The following MSL2 variants were observed in gnomAD, a reference collection of about 807,000 sequenced individuals.
The protein encoded by MSL2 is MSL complex subunit 2, also known as E3 ubiquitin-protein ligase MSL2.
A neutral mutation model predicts 35.8 loss-of-function variants in MSL2; 2 were observed. The observed-to-expected ratio is 0.06, with a 90% CI of 0.02 to 0.18. The LOEUF (loss-of-function observed/expected upper bound fraction) is 0.18, where lower values mean the gene tolerates loss of function less well. Ranked by LOEUF, MSL2 falls within the 10% of genes least tolerant of loss-of-function variation. The probability of loss-of-function intolerance (pLI) is 1.00; values close to 1 mark genes in which losing one functional copy is unlikely to be tolerated. For missense variants in MSL2, 523 were observed against 706.7 expected (o/e 0.74, Z 2.95); for synonymous variants, 296 against 255.7 (o/e 1.16, Z -1.50).
At chr3:136,157,008 G>GTA (rs1328081240) in intron 1 of MSL2, among the ~76,000 whole-genome samples, 15 of 152,132 alleles carry the variant, frequency 9.9e-5, no homozygotes, top group Admixed American at 2.0e-4. Flanking sequence ...AAAACACACT[G>GTA]TATATATGTG....
chr3:136,181,957 TAATC>T (rs1052236117), intron 1 of MSL2, among the ~76,000 whole-genome samples: 2 of 139,182 alleles, frequency 1.4e-5, no homozygotes, highest in Admixed American at 1.5e-4. Context: ...AATAAATAAA[TAATC>T]AAAACTTACG....
In MSL2 at chr3:136,151,816, A is replaced by C. The variant is rs1428323728; in HGVS notation, c.1065T>G (p.Leu355=). ...SESDSEKVQP[L]PISTIIRGPT... Reference sequence around the variant, plus strand: ...GGCCTCGGATAATGGTAGAAATTGGAAGTGGCTGAACTTTCTCACTGTCAC... The same window carrying C: ...GGCCTCGGATAATGGTAGAAATTGGCAGTGGCTGAACTTTCTCACTGTCAC... The change falls in exon 2 of 2, where the codon CTT becomes CTG. Residue 355 remains leucine (L), a synonymous_variant. Transcript: ENST00000309993. The surrounding 1 kb of genome is among the most constrained non-coding windows in gnomAD (Gnocchi z 5.2). 2.5e-6 allele frequency: 4 copies of C among 1,614,152 alleles called. No homozygotes were observed. Among genetic ancestry groups the C allele is most frequent in the Non-Finnish European group, 2.5e-6 (3 of 1,180,030 alleles).
At chr3:136,171,021 AATG>A (rs1940011211) in intron 1 of MSL2, among the ~76,000 whole-genome samples, 2 of 152,170 alleles carry the variant, frequency 1.3e-5, no homozygotes, top group African/African-American at 4.8e-5. Context: ...AACATGTCCT[AATG>A]ATGAATGTTT....
intron 1 of MSL2, among the ~76,000 whole-genome samples, chr3:136,180,490 A>T (rs751262812): frequency 1.3e-5 from 2 of 151,924 alleles, no homozygotes; most frequent in African/African-American, 4.8e-5. Flanking sequence ...TCACGAGATC[A>T]GGAGTTCAAG....
Position 136,151,028 on chromosome 3 carries a change from A to C in MSL2, c.*119T>G, listed in dbSNP as rs1314518700. Reference sequence around the variant, plus strand: ...CTAACACATATAACTTAGCAATGAAAACACTTGATACAAGTGATCTATATG... The same window carrying C: ...CTAACACATATAACTTAGCAATGAACACACTTGATACAAGTGATCTATATG... On this transcript the variant is annotated 3_prime_UTR_variant, in exon 2 of 2. Transcript: ENST00000309993. This position sits in a 1 kb window ranked among gnomAD's most constrained non-coding sequence, Gnocchi z 5.2. The C allele has an allele frequency of 8.8e-7, 1 of 1,131,370 alleles. No individual in the cohort carries two copies. Among genetic ancestry groups the C allele is most frequent in the Admixed American group, 2.2e-5 (1 of 44,722 alleles). 70.1% of individuals were successfully genotyped at this position (1,131,370 alleles called of 1,614,324 possible).
chr3:136,182,956 T>C (rs762914126), intron 1 of MSL2, among the ~76,000 whole-genome samples: 1 of 152,138 alleles, frequency 6.6e-6, no homozygotes, highest in Non-Finnish European at 1.5e-5. Flanking sequence ...CTCAGTAGCA[T>C]GGAAAAACTA....
rs185766039 is a variant in MSL2, at chr3:136,192,377, C to G, written c.142+2595G>C. Among the ~76,000 whole-genome samples the G allele has an allele frequency of 4.6e-5, 7 of 152,152 alleles. No individual in the cohort carries two copies. In the East Asian group the frequency reaches 1.4e-3, roughly 29 times the overall value. On this transcript the variant is annotated intron_variant, in intron 1 of 1. Coordinates refer to ENST00000309993, the MANE Select transcript of MSL2 (RefSeq NM_018133.4). Reference sequence around the variant, plus strand: ...TATTTTTAGTAGAGATGGGGTTTCACTATGTTGGCCAGGCTGGTCTCCAAC... The same window carrying G: ...TATTTTTAGTAGAGATGGGGTTTCAGTATGTTGGCCAGGCTGGTCTCCAAC...
intron 1 of MSL2, among the ~76,000 whole-genome samples, chr3:136,192,759 A>T (rs2108100142): frequency 6.6e-6 from 1 of 152,326 alleles, no homozygotes; most frequent in East Asian, 1.9e-4. Flanking sequence ...AACAGAATTA[A>T]ACTTCATTTT....
chr3:136,194,345 C>G lies in MSL2; in HGVS notation c.142+627G>C, dbSNP rs148291787. ...ACATCTAAAATAACCCTCGACAAAG[C>G]CAAAGTATATTAAACCACAAAATGA... On this transcript the variant is annotated intron_variant, in intron 1 of 1. Coordinates refer to ENST00000309993, the MANE Select transcript of MSL2 (RefSeq NM_018133.4). 9 of 926,492 alleles carry G rather than the reference C, an allele frequency of 9.7e-6. No homozygotes were observed. In the African/African-American group the frequency reaches 1.1e-4, roughly 11 times the overall value. 57.4% of individuals were successfully genotyped at this position (926,492 alleles called of 1,614,324 possible). A position where few individuals can be genotyped will look rare whatever the true frequency, so the allele number is the denominator to read the frequency against.
intron 1 of MSL2, among the ~76,000 whole-genome samples, chr3:136,163,767 C>G (rs774204794): frequency 6.6e-6 from 1 of 152,174 alleles, no homozygotes; most frequent in Admixed American, 6.5e-5. Flanking sequence ...GTTTCCCCAG[C>G]TGTTCTTGTG....
chr3:136,192,115 G>A (rs115627256), intron 1 of MSL2, among the ~76,000 whole-genome samples: 3,845 of 152,296 alleles, frequency 0.025, 171 homozygotes, highest in African/African-American at 0.088. Flanking sequence ...GCACTCAAAG[G>A]AGATATAAGT....
intron 1 of MSL2, among the ~76,000 whole-genome samples, chr3:136,157,082 G>C (rs1939553634): frequency 6.6e-6 from 1 of 152,134 alleles, no homozygotes; most frequent in African/African-American, 2.4e-5. Flanking sequence ...AATAACCAAA[G>C]CTTTCTTTCA....
chr3:136,187,491 T>G (rs1240174228), intron 1 of MSL2, among the ~76,000 whole-genome samples: 1 of 151,742 alleles, frequency 6.6e-6, no homozygotes, highest in African/African-American at 2.4e-5. Flanking sequence ...GGTGAAACCC[T>G]GTCTCTACTA....
intron 1 of MSL2, among the ~76,000 whole-genome samples, chr3:136,174,615 A>T (rs1036322114): frequency 6.6e-6 from 1 of 152,214 alleles, no homozygotes; most frequent in South Asian, 2.1e-4. Flanking sequence ...CAGGTTTGTG[A>T]GGGTCAGGAA....
chr3:136,181,987 A>C (rs942094533), intron 1 of MSL2, among the ~76,000 whole-genome samples: 19 of 152,084 alleles, frequency 1.2e-4, no homozygotes, highest in African/African-American at 4.6e-4. Flanking sequence ...TGAAGAAAAA[A>C]AAATTTTTTA....
intron 1 of MSL2, among the ~76,000 whole-genome samples, chr3:136,165,727 T>C (rs1428109671): frequency 6.6e-6 from 1 of 152,132 alleles, no homozygotes; most frequent in Non-Finnish European, 1.5e-5. Context: ...AAAAAGCAAA[T>C]CCAGACATCA....
At chr3:136,155,450 G>C (rs1016963946) in intron 1 of MSL2, 3 of 163,354 alleles carry the variant, frequency 1.8e-5, no homozygotes, top group Non-Finnish European at 2.7e-5. Context: ...GTTGCAGTGA[G>C]CGGAGATCGT....
intron 1 of MSL2, among the ~76,000 whole-genome samples, chr3:136,171,092 A>G (rs966049888): frequency 1.3e-5 from 2 of 152,198 alleles, no homozygotes; most frequent in African/African-American, 4.8e-5. Context: ...ATTACTCAAC[A>G]TTTACCTGGG....
At chr3:136,152,759 A>G (rs201684396) in intron 1 of MSL2, 21 bp from the exon 2 acceptor site, 46 of 1,599,650 alleles carry the variant, frequency 2.9e-5, no homozygotes, top group Non-Finnish European at 3.6e-5. Context: ...GAAGGAGGAA[A>G]GCAAAGATTT....
Sources: gnomAD v4.1 joint callset for allele counts (sites outside exome capture counted in the v4.1 genomes callset) on GRCh38, gnomAD v4.1.1 for gene constraint, Gnocchi (gnomAD v3.1) non-coding constraint, MANE v1.5 for transcripts, NCBI Gene and HGNC (gene_info 2026-07-23, HGNC 2026-07-21) for gene names.